The following CROCC variants were observed in gnomAD, a reference collection of about 807,000 sequenced individuals.
CROCC encodes the protein rootletin.
A neutral mutation model predicts 245.2 loss-of-function variants in CROCC; 180 were observed. The ratio of observed to expected loss-of-function variants is 0.73; its 90% confidence interval spans 0.65 to 0.83. CROCC has a LOEUF of 0.83. Among genes scored for constraint, CROCC ranks in the 40% least tolerant of loss-of-function variants. The pLI, the probability that CROCC is intolerant of heterozygous loss-of-function variation, is 0.00. For missense variants in CROCC, 2,688 were observed against 2,779.4 expected (o/e 0.97, Z 0.74); for synonymous variants, 1,205 against 1,241.6 (o/e 0.97, Z 0.62).
rs778887976 is a variant in CROCC at position 16,945,544 on chromosome 1, G to A, written c.2074G>A (p.Ala692Thr). 1.6e-5 allele frequency: 26 copies of A among 1,611,978 alleles called. No individual in the cohort carries two copies. Among genetic ancestry groups the A allele is most frequent in the African/African-American group, 2.7e-5 (2 of 74,904 alleles). Residue 692 changes from alanine (A) to threonine (T), a missense_variant, in exon 15 of 37, where the codon GCC becomes ACC. Physicochemically the swap from Ala to Thr is moderately conservative, Grantham distance 58. Transcript: ENST00000375541. ...LVEVREALSR[A>T]TLQRDMLQAE... ...GGAGGTGAGGGAGGCGCTGAGCCGCGCCACACTGCAACGGGACATGCTGCA... is the reference window on the plus strand; with the variant it reads ...GGAGGTGAGGGAGGCGCTGAGCCGCACCACACTGCAACGGGACATGCTGCA...
intron 25 of CROCC, 136 bp from the exon 26 acceptor site, chr1:16,958,447 G>A: frequency 1.9e-6 from 2 of 1,071,936 alleles, no homozygotes; most frequent in Non-Finnish European, 2.7e-6. Context: ...GGTTGTGTAG[G>A]GGCCGGCTCC....
Position 16,946,798 on chromosome 1 carries a change from G to T in CROCC, c.2321G>T (p.Arg774Leu), listed in dbSNP as rs374135081. The T allele has an allele frequency of 6.4e-7, 1 of 1,552,248 alleles. No homozygotes were observed. The highest frequency in any genetic ancestry group is 8.7e-7 in the Non-Finnish European group (1 of 1,147,460). ...EEKSALQGRQ[R>L]QAEQEATVAR... ...AAGTCCGCCCTGCAGGGCCGGCAACGGCAGGCAGAGCAGGAGGCCACAGTG... is the reference window on the plus strand; with the variant it reads ...AAGTCCGCCCTGCAGGGCCGGCAACTGCAGGCAGAGCAGGAGGCCACAGTG... Residue 774 changes from arginine (R) to leucine (L), a missense_variant, in exon 17 of 37, where the codon CGG becomes CTG. Transcript: ENST00000375541.
At chr1:16,916,644 CT>C (rs2075308011) in intron 1 of CROCC, among the ~76,000 whole-genome samples, 1 of 152,282 alleles carries the variant, frequency 6.6e-6, no homozygotes, top group African/African-American at 2.4e-5. Context: ...GGAACTGGGA[CT>C]ACAGGAGGTG....
chr1:16,967,907 A>G (rs1243318793), intron 30 of CROCC, among the ~76,000 whole-genome samples: 1 of 152,186 alleles, frequency 6.6e-6, no homozygotes, highest in Non-Finnish European at 1.5e-5. Context: ...GGACCAATCC[A>G]GTGTCCCTAC....
chr1:16,924,181 C>T, intron 2 of CROCC, 144 bp from the exon 3 acceptor site: 1 of 1,031,184 alleles, frequency 9.7e-7, no homozygotes, highest in Non-Finnish European at 1.4e-6. Flanking sequence ...TCCCTGTTCT[C>T]AGCTCTGTTT....
At chr1:16,938,317 G>C (rs1193474180) in intron 10 of CROCC, 83 bp from the exon 11 acceptor site, 20 of 1,320,036 alleles carry the variant, frequency 1.5e-5, no homozygotes, top group Non-Finnish European at 1.9e-5. Context: ...CCTGGTCAGT[G>C]GTGGGCCAGG....
Position 16,943,861 on chromosome 1 carries a change from C to T in CROCC, c.1809-239C>T, listed in dbSNP as rs554168297. ...TACCTGGTAGGGTGCTTGGAGATCA[C>T]ACCAGCACCTCCATCCACTCCAAGT... is the stretch of plus-strand genomic sequence containing the variant. On this transcript the variant is annotated intron_variant, in intron 13 of 36. Coordinates refer to ENST00000375541, the MANE Select transcript of CROCC (RefSeq NM_014675.5). Among the ~76,000 whole-genome samples the T allele has an allele frequency of 5.9e-4, 90 of 152,372 alleles. No homozygotes were observed. The East Asian group carries it at 0.016, about 28-fold the overall frequency.
chr1:16,930,002 G>A lies in CROCC; in HGVS notation c.508G>A (p.Ala170Thr). 6.3e-7 allele frequency: 1 copy of A among 1,583,058 alleles called. No individual in the cohort carries two copies. Among genetic ancestry groups the A allele is most frequent in the Non-Finnish European group, 8.6e-7 (1 of 1,168,478 alleles). ...QAYQEGQQRQ[A>T]QLVQRLQGKI... The stretch of plus-strand genomic sequence containing the variant: ...CTACCAGGAGGGCCAGCAGCGGCAG[G>A]CCCAGCTTGTGCAGCGGCTGCAGGG... Residue 170 changes from alanine (A) to threonine (T), a missense_variant, in exon 4 of 37, where the codon GCC (alanine) becomes ACC (threonine). Physicochemically the swap from Ala to Thr is moderately conservative, Grantham distance 58. Around this residue, in one of 9 missense-constraint regions of CROCC, gnomAD observed 972 missense variants for 895.3 expected, o/e 1.09. Coordinates refer to ENST00000375541, the MANE Select transcript of CROCC (RefSeq NM_014675.5).
intron 32 of CROCC, among the ~76,000 whole-genome samples, 168 bp downstream of exon 32, chr1:16,969,508 G>A (rs2076477083): frequency 1.3e-5 from 2 of 152,216 alleles, no homozygotes; most frequent in African/African-American, 4.8e-5. Flanking sequence ...ATCAGCCAAG[G>A]AGAAGAGGCT....
chr1:16,970,639 G>A lies in CROCC; in HGVS notation c.5656G>A (p.Glu1886Lys), dbSNP rs768025487. ...CTCCTGTGGCTCTCCTGCCTAGGTG[G>A]AGCGGGAGAAGCTTCGTAGCCATGA... ...VALRRTLDKV[E>K]REKLRSHEDT... The change falls in exon 35 of 37, where the codon GAG becomes AAG. Residue 1886 changes from glutamate to lysine, a missense_variant. Coordinates refer to ENST00000375541, the MANE Select transcript of CROCC (RefSeq NM_014675.5). 5 of 1,547,666 alleles carry A rather than the reference G, an allele frequency of 3.2e-6. No homozygotes were observed. Among genetic ancestry groups the A allele is most frequent in the Middle Eastern group, 3.5e-4 (2 of 5,682 alleles).
chr1:16,969,635 A>G, intron 32 of CROCC, 150 bp from the exon 33 acceptor site: 2 of 1,144,880 alleles, frequency 1.7e-6, no homozygotes, highest in Non-Finnish European at 2.4e-6. Context: ...AGGTCAGTGG[A>G]TAGGCCGTGG....
Position 16,968,365 on chromosome 1 carries a change from C to T in CROCC, c.5023C>T (p.Arg1675Cys), listed in dbSNP as rs746194466. The change falls in exon 31 of 37, where the codon CGC (arginine) becomes TGC (cysteine). Residue 1675 changes from arginine to cysteine, a missense_variant. This residue lies in a region of CROCC where 1,218 missense variants were observed against 1,286.3 expected (regional missense o/e 0.95). Transcript: ENST00000375541. ...GCGCAGCCGCCTGGGCCTCAGTGAC[C>T]GCGAGGCCCAAGCCCAGGCCCTCCA... ...LQRSRLGLSDREAQAQALQDR... is the reference protein window; with the variant it reads ...LQRSRLGLSDCEAQAQALQDR... 1.8e-5 allele frequency: 28 copies of T among 1,534,338 alleles called. 1 individual carries two copies. Among genetic ancestry groups the T allele is most frequent in the South Asian group, 9.7e-5 (8 of 82,434 alleles).
chr1:16,918,742 T>TG (rs1288524951), upstream of CROCC, among the ~76,000 whole-genome samples: 4 of 147,842 alleles, frequency 2.7e-5, no homozygotes, highest in African/African-American at 7.5e-5. Context: ...TTTTTTGTTT[T>TG]TGTTTTTTTT....
intron 14 of CROCC, among the ~76,000 whole-genome samples, chr1:16,945,184 G>A (rs2076017767): frequency 6.6e-6 from 1 of 152,280 alleles, no homozygotes; most frequent in South Asian, 2.1e-4. Flanking sequence ...AGTCAGCCAG[G>A]ATCGCACCAC....
At chr1:16,958,101 T>C (rs1283973641) in intron 25 of CROCC, among the ~76,000 whole-genome samples, 1 of 152,194 alleles carries the variant, frequency 6.6e-6, no homozygotes, top group Non-Finnish European at 1.5e-5. Context: ...GAGGTTACTC[T>C]GACACTCTGA....
upstream of CROCC, among the ~76,000 whole-genome samples, chr1:16,921,485 C>G (rs2075404108): frequency 6.6e-6 from 1 of 152,292 alleles, no homozygotes; most frequent in South Asian, 2.1e-4. Context: ...CTTTGCCCTA[C>G]ACCTGTTGTG....
chr1:16,943,873 C>T (rs2075987503), intron 13 of CROCC, among the ~76,000 whole-genome samples: 1 of 152,294 alleles, frequency 6.6e-6, no homozygotes, highest in South Asian at 2.1e-4. Context: ...CCAGCACCTC[C>T]ATCCACTCCA....
intron 26 of CROCC, among the ~76,000 whole-genome samples, chr1:16,960,091 ACT>A (rs1432511992): frequency 2.6e-5 from 4 of 151,954 alleles, no homozygotes; most frequent in East Asian, 1.9e-4. Flanking sequence ...ACATGGCAAA[ACT>A]CTGTCTCTAC....
intron 2 of CROCC, among the ~76,000 whole-genome samples, chr1:16,923,478 G>A (rs1172500318): frequency 3.3e-4 from 50 of 152,354 alleles, no homozygotes; most frequent in African/African-American, 1.2e-3. Flanking sequence ...TCCCAGGGTA[G>A]AAGGGGAACC....
Sources: gnomAD v4.1 joint callset for allele counts (sites outside exome capture counted in the v4.1 genomes callset) on GRCh38, gnomAD v4.1.1 for gene constraint, gnomAD v4.1.1 regional missense constraint, MANE v1.5 for transcripts, NCBI Gene and HGNC (gene_info 2026-07-23, HGNC 2026-07-21) for gene names.